Variants in KAZN observed in about 807,000 individuals in gnomAD.
KAZN encodes kazrin.
A neutral mutation model predicts 87.4 loss-of-function variants in KAZN; 40 were observed. That is an observed-to-expected ratio of 0.46 (90% confidence interval 0.36 to 0.60). The LOEUF (loss-of-function observed/expected upper bound fraction) is 0.60, where lower values mean the gene tolerates loss of function less well. KAZN is among the 20% of genes least tolerant of loss of function. KAZN has a pLI of 0.00. For missense variants in KAZN, 898 were observed against 1,073.9 expected (o/e 0.84, Z 2.29); for synonymous variants, 466 against 458.3 (o/e 1.02, Z -0.22).
Position 14,009,718 on chromosome 1 carries a change from G to A in KAZN, c.91+115962G>A, listed in dbSNP as rs961059782. Among the ~76,000 whole-genome samples the A allele has an allele frequency of 3.9e-5, 6 of 152,268 alleles. No homozygotes were observed. The East Asian group carries it at 1.2e-3, about 29-fold the overall frequency. Reference sequence around the variant, plus strand: ...ATCTGATCCGCTGTTCATTCAGTTGGCATTTACTATGCATTTACTGTGGGA... The same window carrying A: ...ATCTGATCCGCTGTTCATTCAGTTGACATTTACTATGCATTTACTGTGGGA... On this transcript the variant is annotated intron_variant, in intron 1 of 16. Coordinates refer to the KAZN transcript ENST00000636203.
At chr1:14,691,784 G>T (rs1021360656) in intron 1 of KAZN, among the ~76,000 whole-genome samples, 1 of 152,022 alleles carries the variant, frequency 6.6e-6, no homozygotes, top group Non-Finnish European at 1.5e-5. Context: ...AAACAACCTC[G>T]CCTGGCCTGT....
intron 1 of KAZN, among the ~76,000 whole-genome samples, chr1:14,023,736 C>G (rs541620639): frequency 6.6e-6 from 1 of 152,134 alleles, no homozygotes; most frequent in Non-Finnish European, 1.5e-5. Context: ...AATTGAGTGA[C>G]AGGAACCAAA....
At position 13,913,623 on chromosome 1, in the gene KAZN, A is replaced by G. The variant is rs930915590; in HGVS notation, c.91+19867A>G. On this transcript the variant is annotated intron_variant, in intron 1 of 16. Coordinates refer to the KAZN transcript ENST00000636203. ...TCTGGTTCTCTTCTGGCCTCAGGGG[A>G]GATAAAGCCATGTTATTGCATGGCC... 6.6e-5 allele frequency among the ~76,000 whole-genome samples: 10 copies of G among 152,188 alleles called. No homozygotes were observed. In the South Asian group the frequency reaches 2.1e-3, roughly 32 times the overall value.
chr1:14,545,229 G>A (rs1243861297), intron 2 of KAZN, among the ~76,000 whole-genome samples: 2 of 152,180 alleles, frequency 1.3e-5, no homozygotes, highest in African/African-American at 2.4e-5. Flanking sequence ...AATTTCCACG[G>A]TGTTACTGAC....
intron 1 of KAZN, among the ~76,000 whole-genome samples, chr1:14,713,856 C>T (rs1419950757): frequency 2.6e-5 from 4 of 151,088 alleles, no homozygotes; most frequent in Admixed American, 6.6e-5. Flanking sequence ...TTTGAGGGGC[C>T]GAGCGGGGAG....
intron 8 of KAZN, chr1:15,067,219 A>G (rs1639281837): frequency 3.0e-6 from 3 of 985,378 alleles, no homozygotes; most frequent in Admixed American, 6.1e-5. Flanking sequence ...CCAGCACCTG[A>G]GCCCTCCACC....
At chr1:14,899,175 G>A (rs571785399) in intron 1 of KAZN, among the ~76,000 whole-genome samples, 5 of 152,314 alleles carry the variant, frequency 3.3e-5, no homozygotes, top group Admixed American at 3.3e-4. Flanking sequence ...CTGTACCAAG[G>A]TCAGGAAGAT....
At chr1:14,625,634 G>C (rs902853265) in intron 1 of KAZN, among the ~76,000 whole-genome samples, 3 of 152,146 alleles carry the variant, frequency 2.0e-5, no homozygotes, top group Admixed American at 2.0e-4. Flanking sequence ...CTGAGGTTGG[G>C]GGAAGCTAAA....
At chr1:14,811,332 TC>T (rs1646403462) in intron 1 of KAZN, among the ~76,000 whole-genome samples, 1 of 152,240 alleles carries the variant, frequency 6.6e-6, no homozygotes, top group Non-Finnish European at 1.5e-5. Flanking sequence ...TGAATCTCAT[TC>T]AAACTCACAA....
chr1:14,848,063 G>A (rs559647685), intron 1 of KAZN, among the ~76,000 whole-genome samples: 15 of 152,266 alleles, frequency 9.9e-5, no homozygotes, highest in East Asian at 3.9e-4. Flanking sequence ...TGTCACATAC[G>A]CATGAAAAAC....
chr1:14,738,743 T>C (rs1177577599), intron 1 of KAZN, among the ~76,000 whole-genome samples: 4 of 152,036 alleles, frequency 2.6e-5, no homozygotes, highest in Admixed American at 6.6e-5. Context: ...ATGTACTGGA[T>C]TTTTTTCGTT....
At chr1:14,368,421 C>G (rs1660190429) in intron 2 of KAZN, among the ~76,000 whole-genome samples, 2 of 152,166 alleles carry the variant, frequency 1.3e-5, no homozygotes, top group Non-Finnish European at 2.9e-5. Flanking sequence ...ATGAATGATC[C>G]ATCCATTAGG....
chr1:15,031,810 C>T (rs1172913470), intron 2 of KAZN, among the ~76,000 whole-genome samples: 1 of 152,092 alleles, frequency 6.6e-6, no homozygotes, highest in Non-Finnish European at 1.5e-5. Flanking sequence ...GAGGTCTCAC[C>T]ATGTCGTCCA....
chr1:14,110,542 G>T (rs996740215), intron 1 of KAZN, among the ~76,000 whole-genome samples: 3 of 152,152 alleles, frequency 2.0e-5, no homozygotes, highest in East Asian at 3.8e-4. Flanking sequence ...GTAGTTTTTT[G>T]ACTTCTATTG....
chr1:14,790,962 G>C lies in KAZN; in HGVS notation c.227-169722G>C, dbSNP rs145853358. Reference sequence around the variant, plus strand: ...CAGCCTTGGCCTCTGAAAGTGCTGGGATTATAGGTGTGAGCCACCGCACCG... The same window carrying C: ...CAGCCTTGGCCTCTGAAAGTGCTGGCATTATAGGTGTGAGCCACCGCACCG... On this transcript the variant is annotated intron_variant, in intron 1 of 14. Coordinates refer to ENST00000376030, the MANE Select transcript of KAZN (RefSeq NM_201628.3). 3.9e-5 allele frequency among the ~76,000 whole-genome samples: 6 copies of C among 152,246 alleles called. No homozygotes were observed. The East Asian group carries it at 1.2e-3, about 30-fold the overall frequency.
intron 2 of KAZN, among the ~76,000 whole-genome samples, chr1:14,231,717 C>A (rs1647868209): frequency 6.6e-6 from 1 of 152,216 alleles, no homozygotes; most frequent in Admixed American, 6.5e-5. Flanking sequence ...CTCACTTTAT[C>A]AGTTGCCATT....
chr1:14,997,212 T>G (rs940628450), intron 2 of KAZN, among the ~76,000 whole-genome samples: 2 of 76,890 alleles, frequency 2.6e-5, no homozygotes, highest in Non-Finnish European at 4.7e-5. Context: ...TTCATTTATT[T>G]ATTTATTTAT....
intron 2 of KAZN, among the ~76,000 whole-genome samples, chr1:14,231,671 T>G (rs1198081061): frequency 2.6e-5 from 4 of 152,218 alleles, no homozygotes; most frequent in African/African-American, 9.6e-5. Context: ...CAATAACTGG[T>G]TATCAGTATC....
chr1:14,849,969 C>T lies in KAZN; in HGVS notation c.227-110715C>T, dbSNP rs530736574. Among the ~76,000 whole-genome samples, 8 of 148,938 alleles carry T rather than the reference C, an allele frequency of 5.4e-5. 1 individual carries two copies. Among genetic ancestry groups the T allele is most frequent in the African/African-American group, 2.0e-4 (8 of 40,380 alleles). On this transcript the variant is annotated intron_variant, in intron 1 of 14. Transcript: ENST00000376030. ...TTTTTTTTTGAAACAGAGTATCGCT[C>T]TGTTACCCAGGCTGGAGTACAGTGG...
Sources: allele counts gnomAD v4.1 joint callset (sites outside exome capture counted in the v4.1 genomes callset), GRCh38; gene constraint gnomAD v4.1.1; transcripts MANE v1.5; gene names NCBI Gene and HGNC (gene_info 2026-07-23, HGNC 2026-07-21).